SYNE2: variants seen among roughly 807,000 people sequenced by gnomAD.
The protein encoded by SYNE2 is spectrin repeat containing nuclear envelope protein 2.
SYNE2 carries 431 observed loss-of-function variants against 856.3 expected under a neutral mutation model. That is an observed-to-expected ratio of 0.50 (90% CI 0.47 to 0.55). The LOEUF (loss-of-function observed/expected upper bound fraction) is 0.55. Ranked by LOEUF, SYNE2 falls within the 20% of genes least tolerant of loss-of-function variation. The pLI, the probability that SYNE2 is intolerant of heterozygous loss-of-function variation, is 0.00. For missense variants in SYNE2, 8,129 were observed against 8,023.2 expected (o/e 1.01, Z -0.50); for synonymous variants, 2,923 against 2,872.3 (o/e 1.02, Z -0.56).
At chr14:64,188,185 G>A (rs1418344603) in intron 97 of SYNE2, among the ~76,000 whole-genome samples, 1 of 152,156 alleles carries the variant, frequency 6.6e-6, no homozygotes, top group Non-Finnish European at 1.5e-5. Flanking sequence ...TTGTCCTTAT[G>A]TTGGTATAAG....
At chr14:64,219,088 C>T in intron 109 of SYNE2, 120 bp from the exon 110 acceptor site, 1 of 887,626 alleles carries the variant, frequency 1.1e-6, no homozygotes, top group Non-Finnish European at 1.7e-6. Context: ...TCAGGGGAAT[C>T]CCCTACAGTT....
Position 64,003,057 on chromosome 14 carries a change from A to G in SYNE2, c.4124A>G (p.Lys1375Arg), listed in dbSNP as rs755634068. 1.2e-6 allele frequency: 2 copies of G among 1,614,202 alleles called. No homozygotes were observed. The highest frequency in any genetic ancestry group is 1.3e-5 in the African/African-American group (1 of 75,076). The change falls in exon 30 of 116, where the codon AAA (lysine) becomes AGA (arginine). Residue 1375 changes from lysine (K) to arginine (R), a missense_variant. By Grantham distance (26) the Lys-to-Arg change is conservative. Coordinates refer to ENST00000555002, the MANE Select transcript of SYNE2 (RefSeq NM_182914.3). ...ATTCATCTGATGAAAGACAAGGCCA[A>G]ACATTTGGATAAATGTTTGAAGATG... ...GEIHLMKDKA[K>R]HLDKCLKMLD...
intron 78 of SYNE2, among the ~76,000 whole-genome samples, chr14:64,134,746 G>A (rs1193023747): frequency 2.0e-5 from 3 of 152,054 alleles, no homozygotes; most frequent in Non-Finnish European, 4.4e-5. Context: ...GGAGGCCAAG[G>A]CAGGTGGATT....
At chr14:63,938,109 C>T (rs749395328) in intron 2 of SYNE2, among the ~76,000 whole-genome samples, 2 of 151,988 alleles carry the variant, frequency 1.3e-5, no homozygotes, top group South Asian at 2.1e-4. Flanking sequence ...AGGAGGAATT[C>T]GAGAAACTGA....
chr14:63,976,112 TG>T (rs2096540718), intron 11 of SYNE2, among the ~76,000 whole-genome samples: 1 of 152,214 alleles, frequency 6.6e-6, no homozygotes, highest in East Asian at 1.9e-4. Flanking sequence ...TCGGGAGATA[TG>T]GTAGAGATAT....
Position 64,036,350 on chromosome 14 carries a change from G to C in SYNE2, c.7221+4993G>C, listed in dbSNP as rs189245871. ...CACCCAGGCTGGAGTGCAGTGGCGCGATCTTGGCTCACTGCAACCTCTGCC... is the reference window on the plus strand; with the variant it reads ...CACCCAGGCTGGAGTGCAGTGGCGCCATCTTGGCTCACTGCAACCTCTGCC... On this transcript the variant is annotated intron_variant, in intron 45 of 115. Transcript: ENST00000555002. 6.3e-4 allele frequency among the ~76,000 whole-genome samples: 96 copies of C among 152,170 alleles called. 1 individual carries two copies. The highest frequency in any genetic ancestry group is 2.3e-3 in the African/African-American group (94 of 41,524).
At chr14:64,212,680 CTAGAGT>C in intron 104 of SYNE2, 125 bp from the exon 105 acceptor site, 1 of 839,206 alleles carries the variant, frequency 1.2e-6, no homozygotes, top group African/African-American at 1.7e-5. Context: ...AAAACTAAAG[CTAGAGT>C]AGTAGGTGAA....
At chr14:63,860,424 G>C (rs1893227264) in intron 1 of SYNE2, among the ~76,000 whole-genome samples, 1 of 152,210 alleles carries the variant, frequency 6.6e-6, no homozygotes, top group African/African-American at 2.4e-5. Context: ...TGAGTTGAAA[G>C]ATAAGTGTGA....
intron 52 of SYNE2, among the ~76,000 whole-genome samples, chr14:64,072,606 T>G (rs918178655): frequency 2.0e-5 from 3 of 152,090 alleles, no homozygotes; most frequent in African/African-American, 7.2e-5. Flanking sequence ...TTCAAGCGAT[T>G]CTCCTGCCTC....
Position 63,831,549 on chromosome 14 carries a change from C to CTTTTT in SYNE2, c.-304-20932_-304-20928dup, listed in dbSNP as rs1211983068. ...ATAATATTAGAATATAATGTTCATT[C>CTTTTT]TTTTTTTTTTTTTTTTTTTTTTTTG... is the stretch of plus-strand genomic sequence containing the variant. On this transcript the variant is annotated intron_variant, in intron 1 of 23. Transcript: ENST00000674003. 2.5e-3 allele frequency among the ~76,000 whole-genome samples: 173 copies of CTTTTT among 69,544 alleles called. 1 individual carries two copies. The highest frequency in any genetic ancestry group is 3.0e-3 in the South Asian group (4 of 1,338). 45.6% of individuals were successfully genotyped at this position (69,544 alleles called of 152,430 possible). A position where few individuals can be genotyped will look rare whatever the true frequency, so the allele number is the denominator to read the frequency against.
intron 67 of SYNE2, among the ~76,000 whole-genome samples, chr14:64,120,076 T>G (rs1439997132): frequency 1.3e-5 from 2 of 152,228 alleles, no homozygotes; most frequent in African/African-American, 2.4e-5. Context: ...AGTGTTCTCA[T>G]GATTTTTAAA....
intron 94 of SYNE2, among the ~76,000 whole-genome samples, chr14:64,171,801 G>A (rs1327444968): frequency 1.3e-5 from 2 of 152,214 alleles, no homozygotes; most frequent in Non-Finnish European, 2.9e-5. Context: ...TGGAACCAGG[G>A]AGCCTTTGAA....
At chr14:64,195,750 A>G (rs893154492) in intron 99 of SYNE2, among the ~76,000 whole-genome samples, 8 of 152,022 alleles carry the variant, frequency 5.3e-5, no homozygotes, top group African/African-American at 1.9e-4. Flanking sequence ...TTTTATCTGT[A>G]TTTTCTCAAG....
chr14:64,072,860 C>A (rs2097423551), intron 52 of SYNE2, among the ~76,000 whole-genome samples: 1 of 152,146 alleles, frequency 6.6e-6, no homozygotes. Context: ...TTCTTGGGTT[C>A]AATTAATTTG....
At chr14:63,892,449 T>C (rs1050125258) in intron 1 of SYNE2, among the ~76,000 whole-genome samples, 2 of 151,110 alleles carry the variant, frequency 1.3e-5, no homozygotes, top group South Asian at 4.2e-4. Context: ...AAAAAAAACA[T>C]TACAAGCAGA....
At position 63,999,390 on chromosome 14, in the gene SYNE2, C is replaced by G. The variant is rs1021967686; in HGVS notation, c.3480+350C>G. Among the ~76,000 whole-genome samples, 4 of 152,188 alleles carry G rather than the reference C, an allele frequency of 2.6e-5. 1 individual carries two copies. The highest frequency in any genetic ancestry group is 2.6e-4 in the Admixed American group (4 of 15,280). On this transcript the variant is annotated intron_variant, in intron 27 of 115. Transcript: ENST00000555002. ...TGTTTGAAGGGAATTTCATCCTGCT[C>G]CTGGGTTGCTCCAAAGTCAACCAGC...
In SYNE2 at chr14:64,132,491, T is replaced by A. The variant is rs2098032744; in HGVS notation, c.14514+53T>A. On this transcript the variant is annotated intron_variant, in intron 77 of 115. Transcript: ENST00000555002. ...GAAGCTGGGAATTGCTGATTTTCCA[T>A]CACCACCCCAGGTGTTGAGAAGAAG... 1.9e-6 allele frequency: 3 copies of A among 1,603,252 alleles called. No homozygotes were observed. In the African/African-American group the frequency reaches 4.0e-5, roughly 21 times the overall value.
intron 39 of SYNE2, 61 bp from the exon 40 acceptor site, chr14:64,024,851 T>C: frequency 6.3e-7 from 1 of 1,590,550 alleles, no homozygotes; most frequent in Non-Finnish European, 8.6e-7. Context: ...GTGCCATCCT[T>C]TTCTTTGGTA....
At chr14:63,947,456 G>A (rs1346316512) in intron 6 of SYNE2, among the ~76,000 whole-genome samples, 1 of 152,162 alleles carries the variant, frequency 6.6e-6, no homozygotes, top group African/African-American at 2.4e-5. Context: ...CGTCTTTCAA[G>A]AATGAATCAA....
Sources: allele counts gnomAD v4.1 joint callset (sites outside exome capture counted in the v4.1 genomes callset), GRCh38; gene constraint gnomAD v4.1.1; transcripts MANE v1.5; gene names NCBI Gene and HGNC (gene_info 2026-07-23, HGNC 2026-07-21).